SPATS2L: variants seen among roughly 807,000 people sequenced by gnomAD.
SPATS2L encodes SPATS2-like protein.
A neutral mutation model predicts 59.6 loss-of-function variants in SPATS2L; 30 were observed. That is an observed-to-expected ratio of 0.50 (90% CI 0.38 to 0.68). SPATS2L has a LOEUF of 0.68. Ranked by LOEUF, SPATS2L falls within the 30% of genes least tolerant of loss-of-function variation. SPATS2L has a pLI of 0.00. For missense variants in SPATS2L, 615 were observed against 700.0 expected, an observed-to-expected ratio of 0.88 and a Z score of 1.37; for synonymous variants, 252 against 263.5, an observed-to-expected ratio of 0.96 and a Z score of 0.42.
intron 1 of SPATS2L, among the ~76,000 whole-genome samples, chr2:200,314,074 C>T: frequency 6.6e-6 from 1 of 152,198 alleles, no homozygotes; most frequent in East Asian, 1.9e-4. Flanking sequence ...CTTCTACTAC[C>T]ACCTATATGC....
At chr2:200,430,140 T>G (rs1441006284) in intron 6 of SPATS2L, among the ~76,000 whole-genome samples, 1 of 152,166 alleles carries the variant, frequency 6.6e-6, no homozygotes, top group East Asian at 1.9e-4. Context: ...AAGTGCAAGT[T>G]CTGTGACGAC....
rs151108323 is a variant in SPATS2L, at chr2:200,350,207, C to CGGCT, written c.-23+20732_-23+20735dup. ...TTCCAGGGGTTCTTTGGTGGCCAGA[C>CGGCT]GGCTGGCTTCTCTGTATTCTTATCT... is the stretch of plus-strand genomic sequence containing the variant. On this transcript the variant is annotated intron_variant, in intron 2 of 12. Transcript: ENST00000409140. Among the ~76,000 whole-genome samples, 510 of 152,278 alleles carry CGGCT rather than the reference C, an allele frequency of 3.3e-3. 5 individuals carry two copies. Among genetic ancestry groups the CGGCT allele is most frequent in the African/African-American group, 0.012 (492 of 41,552 alleles).
chr2:200,455,765 A>G (rs2085790578), intron 8 of SPATS2L, among the ~76,000 whole-genome samples: 1 of 152,040 alleles, frequency 6.6e-6, no homozygotes, highest in Admixed American at 6.6e-5. Flanking sequence ...CCTCTGTCCT[A>G]TCCAGCCTGC....
At position 200,439,037 on chromosome 2, in the gene SPATS2L, A is replaced by G. The variant is rs1574544489; in HGVS notation, c.446-85A>G. 3 of 1,189,056 alleles carry G rather than the reference A, an allele frequency of 2.5e-6. No individual in the cohort carries two copies. In the East Asian group the frequency reaches 7.1e-5, roughly 28 times the overall value. The allele number at this position is 1,189,056 out of a possible 1,614,324, so 73.7% of individuals were successfully genotyped here. A position where few individuals can be genotyped will look rare whatever the true frequency, so the allele number is the denominator to read the frequency against. On this transcript the variant is annotated intron_variant, in intron 6 of 12. Transcript: ENST00000409140. The stretch of plus-strand genomic sequence containing the variant: ...CATTATTGCCAATATGTAAACAAAA[A>G]CAAAAATCTTGGCATCCTCCATCAC...
rs568418583 is a variant in SPATS2L at position 200,362,083 on chromosome 2, TAAAAAA to T, written c.-22-27138_-22-27133del. Among the ~76,000 whole-genome samples the T allele has an allele frequency of 2.6e-4, 39 of 151,342 alleles. No individual in the cohort carries two copies. The East Asian group carries it at 6.8e-3, about 26-fold the overall frequency. ...AACCAGACCCTGTTTCTACAAAAAATAAAAAAATAAAAAAATAGCTAGGCATGGTGG... is the reference window on the plus strand; with the variant it reads ...AACCAGACCCTGTTTCTACAAAAAATATAAAAAAATAGCTAGGCATGGTGG... On this transcript the variant is annotated intron_variant, in intron 2 of 12. Transcript: ENST00000409140.
chr2:200,329,227 C>G lies in SPATS2L; in HGVS notation c.-72-204C>G, dbSNP rs546783054. ...TTGTGAGGAAGGTACTGTTATTATC[C>G]CCATCTTACAGTTGAATAAACTGAG... On this transcript the variant is annotated intron_variant, in intron 1 of 12. Transcript: ENST00000409140. 5.9e-5 allele frequency among the ~76,000 whole-genome samples: 9 copies of G among 152,124 alleles called. No homozygotes were observed. In the South Asian group the frequency reaches 1.7e-3, roughly 28 times the overall value.
At chr2:200,365,166 T>G (rs2081229693) in intron 2 of SPATS2L, among the ~76,000 whole-genome samples, 1 of 152,226 alleles carries the variant, frequency 6.6e-6, no homozygotes, top group African/African-American at 2.4e-5. Flanking sequence ...AGAATTGTAT[T>G]CCTACTACCC....
chr2:200,311,155 C>T (rs2079181223), intron 1 of SPATS2L, among the ~76,000 whole-genome samples: 1 of 152,200 alleles, frequency 6.6e-6, no homozygotes, highest in Non-Finnish European at 1.5e-5. Flanking sequence ...CCATTGGGTC[C>T]TCAGAGCCTA....
At chr2:200,383,388 G>A (rs1440030715) in intron 2 of SPATS2L, among the ~76,000 whole-genome samples, 1 of 152,162 alleles carries the variant, frequency 6.6e-6, no homozygotes, top group East Asian at 1.9e-4. Context: ...GTATTAATGA[G>A]ACAGCTTATA....
chr2:200,432,801 G>A (rs1443273189), intron 6 of SPATS2L, among the ~76,000 whole-genome samples: 6 of 152,194 alleles, frequency 3.9e-5, no homozygotes, highest in Admixed American at 3.9e-4. Flanking sequence ...TAAGTCATCA[G>A]GTGTGCTTAG....
intron 2 of SPATS2L, among the ~76,000 whole-genome samples, chr2:200,339,383 C>T (rs1390194630): frequency 6.6e-6 from 1 of 152,054 alleles, no homozygotes. Context: ...TCCTTTAATA[C>T]ATTCCTTTTG....
intron 2 of SPATS2L, chr2:200,378,352 G>A (rs2081673298): frequency 3.0e-6 from 3 of 1,002,416 alleles, no homozygotes; most frequent in South Asian, 4.7e-5. Flanking sequence ...CTGATTTGGA[G>A]CACGAGGAAA....
intron 2 of SPATS2L, among the ~76,000 whole-genome samples, chr2:200,382,060 G>A (rs1307611164): frequency 6.6e-6 from 1 of 151,978 alleles, no homozygotes; most frequent in Non-Finnish European, 1.5e-5. Flanking sequence ...GTTTTTTGGT[G>A]GGGTCGGGGT....
At chr2:200,470,926 TAA>T (rs1365327929) in intron 11 of SPATS2L, among the ~76,000 whole-genome samples, 1 of 152,108 alleles carries the variant, frequency 6.6e-6, no homozygotes, top group Admixed American at 6.6e-5. Context: ...ACCATTAAAA[TAA>T]CACTCTGATC....
intron 2 of SPATS2L, among the ~76,000 whole-genome samples, chr2:200,376,968 A>C (rs927573143): frequency 1.3e-5 from 2 of 152,222 alleles, no homozygotes; most frequent in Non-Finnish European, 2.9e-5. Flanking sequence ...GGCTGGATGC[A>C]TGTTGGTAAC....
intron 1 of SPATS2L, among the ~76,000 whole-genome samples, chr2:200,328,285 G>C (rs1240331768): frequency 6.6e-6 from 1 of 152,164 alleles, no homozygotes; most frequent in Non-Finnish European, 1.5e-5. Context: ...TCATTACAAA[G>C]TGTAGGCTGT....
At position 200,416,374 on chromosome 2, in the gene SPATS2L, T is replaced by C. The variant is rs772204447; in HGVS notation, c.149-5T>C. Reference sequence around the variant, plus strand: ...ATTTGTTGAAGATTCTTTGTCTTTATCTAGGCAGTGCAATTCAAGTTCTAA... The same window carrying C: ...ATTTGTTGAAGATTCTTTGTCTTTACCTAGGCAGTGCAATTCAAGTTCTAA... On this transcript the variant is annotated splice_polypyrimidine_tract_variant and splice_region_variant and intron_variant, in intron 4 of 12. Transcript: ENST00000409140. 1 of 1,458,042 alleles carries C rather than the reference T, an allele frequency of 6.9e-7. No homozygotes were observed. Among genetic ancestry groups the C allele is most frequent in the South Asian group, 1.5e-5 (1 of 68,162 alleles). The allele number at this position is 1,458,042 out of a possible 1,614,324, so 90.3% of individuals were successfully genotyped here. A position where few individuals can be genotyped will look rare whatever the true frequency, so the allele number is the denominator to read the frequency against.
chr2:200,434,903 AGAG>A (rs1465201166), intron 6 of SPATS2L, among the ~76,000 whole-genome samples: 1 of 152,170 alleles, frequency 6.6e-6, no homozygotes, highest in Non-Finnish European at 1.5e-5. Flanking sequence ...ATCTTGAAAA[AGAG>A]GAGTAAAGCA....
Position 200,325,375 on chromosome 2 carries a change from T to A in SPATS2L, c.-72-4056T>A, listed in dbSNP as rs577969222. Among the ~76,000 whole-genome samples the A allele has an allele frequency of 4.2e-3, 640 of 152,192 alleles. 1 individual carries two copies. The highest frequency in any genetic ancestry group is 6.8e-3 in the Middle Eastern group (2 of 294). On this transcript the variant is annotated intron_variant, in intron 1 of 12. Transcript: ENST00000409140. ...ATCCAAGATTCTTGGACTGTAGGAATCTTTTTATTTATTTATTTTTTTAGA... is the reference window on the plus strand; with the variant it reads ...ATCCAAGATTCTTGGACTGTAGGAAACTTTTTATTTATTTATTTTTTTAGA...
Sources: allele counts gnomAD v4.1 joint callset (sites outside exome capture counted in the v4.1 genomes callset), GRCh38; gene constraint gnomAD v4.1.1; transcripts MANE v1.5; gene names NCBI Gene and HGNC (gene_info 2026-07-23, HGNC 2026-07-21).